Variants in PAFAH1B3 observed in about 807,000 individuals in gnomAD.
PAFAH1B3 encodes the protein platelet-activating factor acetylhydrolase IB subunit alpha1.
PAFAH1B3 carries 15 observed loss-of-function variants against 24.4 expected under a neutral mutation model. The observed-to-expected ratio is 0.62, with a 90% CI of 0.41 to 0.95. PAFAH1B3 has a LOEUF of 0.95. PAFAH1B3 is among the 40% of genes least tolerant of loss of function. The pLI, the probability that PAFAH1B3 is intolerant of heterozygous loss-of-function variation, is 0.00. For synonymous variants in PAFAH1B3, 144 were observed against 126.5 expected (o/e 1.14, Z -0.93); for missense variants, 266 against 312.2 (o/e 0.85, Z 1.12).
intron 2 of PAFAH1B3, among the ~76,000 whole-genome samples, chr19:42,301,529 T>G (rs1017484722): frequency 2.6e-5 from 4 of 152,220 alleles, no homozygotes; most frequent in African/African-American, 7.2e-5. Context: ...CTTATTTTGA[T>G]GAAACCCATT....
In PAFAH1B3 at chr19:42,302,314, G is replaced by A; in HGVS notation, c.-5C>T. 1 of 1,600,354 alleles carries A rather than the reference G, an allele frequency of 6.2e-7. No homozygotes were observed. The highest frequency in any genetic ancestry group is 8.5e-7 in the Non-Finnish European group (1 of 1,175,024). On this transcript the variant is annotated 5_prime_UTR_variant, in exon 1 of 5. Transcript: ENST00000262890. The stretch of plus-strand genomic sequence containing the variant: ...TGGGTTCTCCTCTCCACTCATCTTG[G>A]CGCCGCAGCTCCTGCAGGATGAGCG...
In PAFAH1B3 at chr19:42,299,975, C is replaced by T; in HGVS notation, c.403G>A (p.Val135Met). 1 of 1,614,114 alleles carries T rather than the reference C, an allele frequency of 6.2e-7. No individual in the cohort carries two copies. Among genetic ancestry groups the T allele is most frequent in the Non-Finnish European group, 8.5e-7 (1 of 1,180,034 alleles). Residue 135 changes from valine (V) to methionine (M), a missense_variant, in exon 4 of 5, where the codon GTG (valine) becomes ATG (methionine). By Grantham distance (21) the Val-to-Met change is conservative. Coordinates refer to ENST00000262890, the MANE Select transcript of PAFAH1B3 (RefSeq NM_002573.4). ...CCACTCTCCCAGCCTCTCACCAGCACCACAACCCGGGCCTGGGGCTGTCGC... is the reference window on the plus strand; with the variant it reads ...CCACTCTCCCAGCCTCTCACCAGCATCACAACCCGGGCCTGGGGCTGTCGC... Reference protein sequence around the residue: ...NERQPQARVVVLGLLPRGQHP... With the variant: ...NERQPQARVVMLGLLPRGQHP...
intron 4 of PAFAH1B3, among the ~76,000 whole-genome samples, chr19:42,298,558 G>A (rs2038572036): frequency 6.6e-6 from 1 of 152,216 alleles, no homozygotes; most frequent in African/African-American, 2.4e-5. Flanking sequence ...GTTTTCAGAA[G>A]AGGAAATATC....
chr19:42,299,686 C>A (rs912788250), intron 4 of PAFAH1B3, among the ~76,000 whole-genome samples: 1 of 152,138 alleles, frequency 6.6e-6, no homozygotes, highest in Non-Finnish European at 1.5e-5. Flanking sequence ...CCTCGGTCTC[C>A]CAAAGTGCTG....
intron 4 of PAFAH1B3, among the ~76,000 whole-genome samples, chr19:42,299,706 G>A (rs955541289): frequency 2.0e-5 from 3 of 152,188 alleles, no homozygotes; most frequent in Non-Finnish European, 4.4e-5. Flanking sequence ...GGGATTACAG[G>A]CGTGAGCCAC....
Position 42,297,139 on chromosome 19 carries a change from A to G in PAFAH1B3, c.635T>C (p.Leu212Pro), listed in dbSNP as rs914789165. 4.3e-6 allele frequency: 7 copies of G among 1,613,142 alleles called. No individual in the cohort carries two copies. Among genetic ancestry groups the G allele is most frequent in the Non-Finnish European group, 5.9e-6 (7 of 1,179,270 alleles). The change falls in exon 5 of 5, where the codon CTT (leucine) becomes CCT (proline). Residue 212 changes from leucine to proline, a missense_variant. By Grantham distance (98) the Leu-to-Pro change is moderately conservative. Coordinates refer to ENST00000262890, the MANE Select transcript of PAFAH1B3 (RefSeq NM_002573.4). ...CTGGTCTTGGGCCAGCAGACGCAGA[A>G]GCAGGGAGTGCAGAGCCCGGCAAAC... ...TPVCRALHSL[L>P]LRLLAQDQGQ... is the part of the protein sequence containing the mutation.
chr19:42,302,474 T>C lies in PAFAH1B3; in HGVS notation c.-165A>G. ...AAGGCCGATACAGGGCGCCGCCTCC[T>C]CTCCAGGGACGGAAGCCTTCACTTA... On this transcript the variant is annotated 5_prime_UTR_variant, in exon 1 of 5. Coordinates refer to ENST00000262890, the MANE Select transcript of PAFAH1B3 (RefSeq NM_002573.4). 1.6e-6 allele frequency: 1 copy of C among 610,452 alleles called. No individual in the cohort carries two copies. The highest frequency in any genetic ancestry group is 2.9e-5 in the East Asian group (1 of 34,860). 37.8% of individuals were successfully genotyped at this position (610,452 alleles called of 1,614,324 possible).
intron 1 of PAFAH1B3, 44 bp downstream of exon 1, chr19:42,302,188 C>T (rs765676886): frequency 3.9e-6 from 6 of 1,541,770 alleles, no homozygotes; most frequent in Non-Finnish European, 5.3e-6. Context: ...TGAGCCACCC[C>T]CCGCGCCCCC....
In PAFAH1B3 at chr19:42,302,568, C is replaced by T. The variant is rs1293657304; in HGVS notation, c.-259G>A. The T allele has an allele frequency of 2.0e-5, 9 of 444,760 alleles. No individual in the cohort carries two copies. The East Asian group carries it at 3.6e-4, about 18-fold the overall frequency. The allele number at this position is 444,760 out of a possible 1,614,324, so 27.6% of individuals were successfully genotyped here. ...CGCACAGTGGGCTCGCCCGGCGCTTCCCGCTCGGGCCGCTGACTCCCAGGC... is the reference window on the plus strand; with the variant it reads ...CGCACAGTGGGCTCGCCCGGCGCTTTCCGCTCGGGCCGCTGACTCCCAGGC... On this transcript the variant is annotated 5_prime_UTR_variant, in exon 1 of 5. Transcript: ENST00000262890.
At position 42,302,297 on chromosome 19, in the gene PAFAH1B3, C is replaced by T. The variant is rs776825111; in HGVS notation, c.13G>A (p.Glu5Lys). 7 of 1,605,020 alleles carry T rather than the reference C, an allele frequency of 4.4e-6. No homozygotes were observed. Among genetic ancestry groups the T allele is most frequent in the Non-Finnish European group, 5.1e-6 (6 of 1,176,878 alleles). ...GGCGTGGGCTTGCTGGCTGGGTTCT[C>T]CTCTCCACTCATCTTGGCGCCGCAG... MSGE[E>K]NPASKPTPVQ... The change falls in exon 1 of 5, where the codon GAG (glutamate) becomes AAG (lysine). Residue 5 changes from glutamate to lysine, a missense_variant. Glu to Lys is a moderately conservative substitution (Grantham distance 56, BLOSUM62 1). Coordinates refer to ENST00000262890, the MANE Select transcript of PAFAH1B3 (RefSeq NM_002573.4).
intron 2 of PAFAH1B3, among the ~76,000 whole-genome samples, chr19:42,301,111 T>C (rs2038618248): frequency 2.0e-5 from 3 of 152,206 alleles, no homozygotes; most frequent in Admixed American, 2.0e-4. Flanking sequence ...CACCACACCC[T>C]GCCTAGAGTC....
In PAFAH1B3 at chr19:42,302,315, C is replaced by T. The variant is rs1417253091; in HGVS notation, c.-6G>A. 1.3e-6 allele frequency: 2 copies of T among 1,598,868 alleles called. No homozygotes were observed. Among genetic ancestry groups the T allele is most frequent in the South Asian group, 2.3e-5 (2 of 88,812 alleles). ...GGGTTCTCCTCTCCACTCATCTTGG[C>T]GCCGCAGCTCCTGCAGGATGAGCGA... On this transcript the variant is annotated 5_prime_UTR_variant, in exon 1 of 5. Transcript: ENST00000262890.
intron 4 of PAFAH1B3, among the ~76,000 whole-genome samples, chr19:42,299,459 C>G (rs1285448041): frequency 1.3e-5 from 2 of 150,584 alleles, no homozygotes; most frequent in African/African-American, 4.9e-5. Flanking sequence ...GAGTCTCGCT[C>G]TGTCGCCCAG....
At chr19:42,302,654 G>T, upstream of PAFAH1B3, 1 of 317,096 alleles carries the variant, frequency 3.2e-6, no homozygotes, top group Non-Finnish European at 6.0e-6. Flanking sequence ...CCGAGGCGGG[G>T]AGGAGGGAGA....
chr19:42,297,056 T>C lies in PAFAH1B3; in HGVS notation c.*22A>G, dbSNP rs750411270. 6 of 1,589,394 alleles carry C rather than the reference T, an allele frequency of 3.8e-6. No individual in the cohort carries two copies. Among genetic ancestry groups the C allele is most frequent in the Admixed American group, 1.7e-5 (1 of 59,220 alleles). ...CACACTGAGGAAGGAGAGTTTAATG[T>C]TGTGGGAAGGCAGCAGGATGCTTAG... is the stretch of plus-strand genomic sequence containing the variant. On this transcript the variant is annotated 3_prime_UTR_variant, in exon 5 of 5. Coordinates refer to ENST00000262890, the MANE Select transcript of PAFAH1B3 (RefSeq NM_002573.4).
chr19:42,301,034 C>T lies in PAFAH1B3; in HGVS notation c.169-747G>A, dbSNP rs182035535. Among the ~76,000 whole-genome samples the T allele has an allele frequency of 5.3e-3, 806 of 152,162 alleles. 10 individuals are homozygous for T. Among genetic ancestry groups the T allele is most frequent in the African/African-American group, 0.019 (779 of 41,510 alleles). On this transcript the variant is annotated intron_variant, in intron 2 of 4. Coordinates refer to ENST00000262890, the MANE Select transcript of PAFAH1B3 (RefSeq NM_002573.4). ...TTCGCCATGTTGGCCAGGGTGGTCT[C>T]GAACTCCTGGCCTCAGGTCATCCGC...
rs2038643974 is a variant in PAFAH1B3, at chr19:42,302,232, C to G, written c.78G>C (p.Leu26=). ...DVQGDGRWMS[L]HHRFVADSKD... is the part of the protein sequence containing the mutation. ...CAATATCCCAGGTGGGAACGCTCAC[C>G]AGGGACATCCAGCGCCCGTCGCCCT... The change falls in exon 1 of 5, where the codon CTG becomes CTC. Residue 26 remains leucine, a splice_region_variant and synonymous_variant. Transcript: ENST00000262890. The G allele has an allele frequency of 1.2e-5, 19 of 1,593,490 alleles. No homozygotes were observed. Among genetic ancestry groups the G allele is most frequent in the Non-Finnish European group, 1.5e-5 (17 of 1,170,154 alleles).
At chr19:42,298,971 G>A (rs548896309) in intron 4 of PAFAH1B3, among the ~76,000 whole-genome samples, 15 of 151,864 alleles carry the variant, frequency 9.9e-5, no homozygotes, top group African/African-American at 3.1e-4. Flanking sequence ...CTGCCACCAC[G>A]CCCGGCTAAT....
In PAFAH1B3 at chr19:42,302,253, G is replaced by T. The variant is rs1176242668; in HGVS notation, c.57C>A (p.Gly19=). ...SKPTPVQDVQ[G]DGRWMSLHHR... ...TCACCAGGGACATCCAGCGCCCGTC[G>T]CCCTGTACGTCCTGCACCGGCGTGG... Residue 19 remains glycine, a synonymous_variant, in exon 1 of 5, where the codon GGC becomes GGA. Coordinates refer to ENST00000262890, the MANE Select transcript of PAFAH1B3 (RefSeq NM_002573.4). 1.2e-6 allele frequency: 2 copies of T among 1,604,152 alleles called. No homozygotes were observed. Among genetic ancestry groups the T allele is most frequent in the Non-Finnish European group, 1.7e-6 (2 of 1,175,762 alleles).
Sources: gnomAD v4.1 joint callset for allele counts (sites outside exome capture counted in the v4.1 genomes callset) on GRCh38, gnomAD v4.1.1 for gene constraint, MANE v1.5 for transcripts, NCBI Gene and HGNC (gene_info 2026-07-23, HGNC 2026-07-21) for gene names.